Variants in FAM184B observed in about 807,000 individuals in gnomAD.
FAM184B encodes the protein protein FAM184B.
A neutral mutation model predicts 135.9 loss-of-function variants in FAM184B; 111 were observed. The observed-to-expected ratio is 0.82, with a 90% CI of 0.70 to 0.96. The LOEUF is 0.96. FAM184B is among the 40% of genes least tolerant of loss of function. The probability of loss-of-function intolerance (pLI) is 0.00; values close to 1 mark genes in which losing one functional copy is unlikely to be tolerated. For missense variants in FAM184B, 1,375 were observed against 1,323.9 expected (o/e 1.04, Z -0.60); for synonymous variants, 552 against 524.8 (o/e 1.05, Z -0.71).
At chr4:17,726,831 TCAACAGTCC>T (rs1717653498) in intron 1 of FAM184B, among the ~76,000 whole-genome samples, 1 of 152,200 alleles carries the variant, frequency 6.6e-6, no homozygotes, top group South Asian at 2.1e-4. Flanking sequence ...CTCCTCTTTG[TCAACAGTCC>T]CAACAAAAGC....
chr4:17,635,688 AC>A (rs1553827065), intron 15 of FAM184B, among the ~76,000 whole-genome samples: 2 of 149,770 alleles, frequency 1.3e-5, no homozygotes, highest in African/African-American at 5.0e-5. Context: ...AAAAAAAAAA[AC>A]CCATGATACC....
In FAM184B at chr4:17,711,413, G is replaced by A. The variant is rs561004344; in HGVS notation, c.142-1769C>T. On this transcript the variant is annotated intron_variant, in intron 1 of 17. Coordinates refer to ENST00000265018, the MANE Select transcript of FAM184B (RefSeq NM_015688.2). ...GAATCGCTTGAACCTGGGAGGTGGA[G>A]GTTGTGGTGAGCAGAGATTGCGCCA... Among the ~76,000 whole-genome samples, 13 of 152,250 alleles carry A rather than the reference G, an allele frequency of 8.5e-5. 1 individual carries two copies. In the South Asian group the frequency reaches 2.3e-3, roughly 27 times the overall value.
intron 1 of FAM184B, among the ~76,000 whole-genome samples, chr4:17,767,137 G>A (rs561046839): frequency 3.2e-4 from 48 of 152,280 alleles, no homozygotes; most frequent in African/African-American, 1.1e-3. Context: ...CCCGGAACTC[G>A]CGCTGGCCCG....
chr4:17,713,214 A>G (rs1281530591), intron 1 of FAM184B, among the ~76,000 whole-genome samples: 1 of 152,224 alleles, frequency 6.6e-6, no homozygotes, highest in Non-Finnish European at 1.5e-5. Flanking sequence ...TCAGAACTCC[A>G]TCTTAAAGAA....
At chr4:17,695,162 GTT>G (rs71167326) in intron 5 of FAM184B, among the ~76,000 whole-genome samples, 12 of 87,326 alleles carry the variant, frequency 1.4e-4, no homozygotes, top group South Asian at 1.3e-3. Flanking sequence ...TTTCTTTGTT[GTT>G]TTTTTTTTTT....
At chr4:17,720,038 A>T (rs1011030153) in intron 1 of FAM184B, among the ~76,000 whole-genome samples, 2 of 151,800 alleles carry the variant, frequency 1.3e-5, no homozygotes, top group Non-Finnish European at 1.5e-5. Context: ...ATCCTCCTCA[A>T]CTCCCATCCT....
intron 2 of FAM184B, among the ~76,000 whole-genome samples, chr4:17,708,600 G>T (rs996944102): frequency 7.0e-6 from 1 of 142,424 alleles, no homozygotes; most frequent in African/African-American, 2.6e-5. Context: ...AGCTGAGATC[G>T]CACCACTGCA....
At chr4:17,743,603 C>CCTCATCCAAATGTGCTTTTAAA (rs1288652004) in intron 1 of FAM184B, among the ~76,000 whole-genome samples, 3 of 152,192 alleles carry the variant, frequency 2.0e-5, no homozygotes, top group African/African-American at 4.8e-5. Context: ...CTCCCTCTGT[C>CCTCATCCAAATGTGCTTTTAAA]CTCATCCAAA....
intron 11 of FAM184B, among the ~76,000 whole-genome samples, chr4:17,648,345 A>G (rs1715521640): frequency 6.7e-6 from 1 of 150,164 alleles, no homozygotes; most frequent in Non-Finnish European, 1.5e-5. Context: ...ATTTATGTCA[A>G]CTCTTTTTTA....
chr4:17,682,790 C>T (rs1396375299), intron 7 of FAM184B, among the ~76,000 whole-genome samples: 3 of 152,176 alleles, frequency 2.0e-5, no homozygotes, highest in African/African-American at 4.8e-5. Context: ...TGAGCCACTG[C>T]GCCTGGACTG....
chr4:17,697,762 G>A (rs141173281), intron 5 of FAM184B, among the ~76,000 whole-genome samples: 2 of 152,282 alleles, frequency 1.3e-5, no homozygotes, highest in Admixed American at 1.3e-4. Context: ...TTAGCATAAA[G>A]GAATGGCTAT....
intron 10 of FAM184B, among the ~76,000 whole-genome samples, chr4:17,654,703 C>T (rs1038173732): frequency 2.0e-5 from 3 of 152,212 alleles, no homozygotes; most frequent in African/African-American, 7.2e-5. Context: ...AAGAATTCAA[C>T]CACCTTTGAG....
rs1343343258 is a variant in FAM184B, at chr4:17,709,213, C to T, written c.573G>A (p.Pro191=). The T allele has an allele frequency of 1.9e-6, 3 of 1,547,544 alleles. No individual in the cohort carries two copies. Among genetic ancestry groups the T allele is most frequent in the South Asian group, 1.2e-5 (1 of 83,852 alleles). Residue 191 remains proline (P), a synonymous_variant, in exon 2 of 18, where the codon CCG becomes CCA. Transcript: ENST00000265018. ...CCTCTAGCAGGACCTCCTGCATCTC[C>T]GGGCCCTGGCCTGGCTCCGACTTGG... ...PETKSEPGQG[P]EMQEVLLEVQ...
chr4:17,752,177 A>G (rs1380647923), intron 1 of FAM184B, among the ~76,000 whole-genome samples: 1 of 152,154 alleles, frequency 6.6e-6, no homozygotes, highest in Non-Finnish European at 1.5e-5. Flanking sequence ...ACAGGTAGGA[A>G]CTGAGGGACT....
At chr4:17,731,856 C>T (rs1388036224) in intron 1 of FAM184B, among the ~76,000 whole-genome samples, 6 of 152,160 alleles carry the variant, frequency 3.9e-5, no homozygotes, top group Admixed American at 6.5e-5. Context: ...CTACAGAACT[C>T]TCCACCCCAA....
chr4:17,640,316 C>CAAA (rs376386841), intron 13 of FAM184B, among the ~76,000 whole-genome samples: 2 of 133,848 alleles, frequency 1.5e-5, no homozygotes, highest in South Asian at 2.4e-4. Context: ...ACTAAAAATA[C>CAAA]AAAAAAAAAA....
At chr4:17,649,675 ACAT>A (rs1715556750) in intron 11 of FAM184B, among the ~76,000 whole-genome samples, 1 of 152,150 alleles carries the variant, frequency 6.6e-6, no homozygotes, top group Non-Finnish European at 1.5e-5. Flanking sequence ...AAAAATCCAA[ACAT>A]AACCCCATTT....
intron 1 of FAM184B, among the ~76,000 whole-genome samples, chr4:17,721,058 C>T (rs1405358009): frequency 6.6e-6 from 1 of 151,784 alleles, no homozygotes; most frequent in Non-Finnish European, 1.5e-5. Context: ...GAGTGGCTGG[C>T]TCATGGAAAG....
intron 1 of FAM184B, among the ~76,000 whole-genome samples, chr4:17,768,960 C>T (rs559826811): frequency 1.3e-4 from 20 of 152,090 alleles, no homozygotes; most frequent in African/African-American, 4.6e-4. Context: ...TGCGCCACCA[C>T]GTCTGGCTAA....
Sources: gnomAD v4.1 joint callset for allele counts (sites outside exome capture counted in the v4.1 genomes callset) on GRCh38, gnomAD v4.1.1 for gene constraint, MANE v1.5 for transcripts, NCBI Gene and HGNC (gene_info 2026-07-23, HGNC 2026-07-21) for gene names.